Variants in SHISA9 observed in about 807,000 individuals in gnomAD.
SHISA9 encodes shisa family member 9.
In SHISA9, 13 loss-of-function variants were observed where a neutral mutation model predicts 38.0. That is an observed-to-expected ratio of 0.34 (90% CI 0.22 to 0.54). SHISA9 has a LOEUF of 0.54. Among genes scored for constraint, SHISA9 ranks in the 20% least tolerant of loss-of-function variants. SHISA9 has a pLI of 0.91. For missense variants in SHISA9, 538 were observed against 575.8 expected, an observed-to-expected ratio of 0.93 and a Z score of 0.67; for synonymous variants, 275 against 242.0, an observed-to-expected ratio of 1.14 and a Z score of -1.27.
intron 2 of SHISA9, among the ~76,000 whole-genome samples, chr16:13,087,470 C>T (rs1177725859): frequency 1.3e-5 from 2 of 152,182 alleles, no homozygotes; most frequent in East Asian, 1.9e-4. Context: ...TGTTTCTCCA[C>T]ATCCTCTCCA....
chr16:13,398,610 G>T, the SHISA9 span, among the ~76,000 whole-genome samples: 1 of 150,974 alleles, frequency 6.6e-6, no homozygotes, highest in Non-Finnish European at 1.5e-5. Flanking sequence ...CCTCCGGTTC[G>T]AGCGATTCTC....
intron 2 of SHISA9, among the ~76,000 whole-genome samples, chr16:12,934,610 C>T (rs897934829): frequency 2.6e-5 from 4 of 152,262 alleles, no homozygotes; most frequent in East Asian, 1.9e-4. Context: ...GTGGCAAATT[C>T]GTTATGTCTC....
At chr16:12,945,326 A>G (rs1415360004) in intron 2 of SHISA9, among the ~76,000 whole-genome samples, 1 of 152,062 alleles carries the variant, frequency 6.6e-6, no homozygotes, top group Non-Finnish European at 1.5e-5. Flanking sequence ...AGAATTATCC[A>G]CTCTGAATGC....
the SHISA9 span, among the ~76,000 whole-genome samples, chr16:13,467,320 C>T: frequency 2.0e-5 from 3 of 152,140 alleles, no homozygotes; most frequent in African/African-American, 7.2e-5. Flanking sequence ...CTCTTTTTCC[C>T]ACTCCCCCAG....
At chr16:13,410,381 A>G in the SHISA9 span, among the ~76,000 whole-genome samples, 1 of 152,218 alleles carries the variant, frequency 6.6e-6, no homozygotes, top group African/African-American at 2.4e-5. Context: ...TTTAGTCACC[A>G]TCACCAAGAG....
the SHISA9 span, among the ~76,000 whole-genome samples, chr16:13,282,821 G>A: frequency 1.3e-5 from 2 of 151,864 alleles, no homozygotes; most frequent in Non-Finnish European, 1.5e-5. Flanking sequence ...CTAAGTTCTA[G>A]CCTTTTCATT....
At chr16:13,225,449 G>C (rs1255984361) in intron 4 of SHISA9, among the ~76,000 whole-genome samples, 3 of 152,182 alleles carry the variant, frequency 2.0e-5, no homozygotes, top group Non-Finnish European at 4.4e-5. Flanking sequence ...AGACCTCAGG[G>C]ACCACTGCAA....
the SHISA9 span, among the ~76,000 whole-genome samples, chr16:13,425,089 A>C: frequency 6.6e-6 from 1 of 152,250 alleles, no homozygotes; most frequent in South Asian, 2.1e-4. Flanking sequence ...TCCTAAGCGA[A>C]TGAATGCAGA....
intron 2 of SHISA9, among the ~76,000 whole-genome samples, chr16:13,089,557 C>T (rs983078942): frequency 6.6e-6 from 1 of 152,180 alleles, no homozygotes; most frequent in Non-Finnish European, 1.5e-5. Context: ...GGAATTTATC[C>T]ATTTCTTCTA....
At chr16:13,350,915 G>T in the SHISA9 span, among the ~76,000 whole-genome samples, 4 of 152,108 alleles carry the variant, frequency 2.6e-5, no homozygotes, top group African/African-American at 9.7e-5. Context: ...ATACAACCTG[G>T]CTGTTCCAGG....
At chr16:13,556,100 C>A in the SHISA9 span, among the ~76,000 whole-genome samples, 2 of 152,300 alleles carry the variant, frequency 1.3e-5, no homozygotes, top group South Asian at 2.1e-4. Flanking sequence ...CCGATTCCAC[C>A]CTTTCAAATC....
At chr16:13,514,832 C>T in the SHISA9 span, among the ~76,000 whole-genome samples, 1 of 151,810 alleles carries the variant, frequency 6.6e-6, no homozygotes, top group Non-Finnish European at 1.5e-5. Flanking sequence ...CGATACACGT[C>T]GTAACTAAAT....
chr16:13,187,482 G>C (rs1401598110), intron 2 of SHISA9, among the ~76,000 whole-genome samples: 1 of 151,746 alleles, frequency 6.6e-6, no homozygotes, highest in African/African-American at 2.4e-5. Context: ...CTACAGACGT[G>C]CACCACCACA....
At chr16:13,073,205 T>C (rs2073538744) in intron 2 of SHISA9, among the ~76,000 whole-genome samples, 1 of 147,954 alleles carries the variant, frequency 6.8e-6, no homozygotes, top group African/African-American at 2.5e-5. Context: ...AACTCTCTCC[T>C]ATCTCTCTCT....
the SHISA9 span, among the ~76,000 whole-genome samples, chr16:13,257,197 A>G: frequency 6.6e-6 from 1 of 152,168 alleles, no homozygotes; most frequent in Non-Finnish European, 1.5e-5. Flanking sequence ...CCATCCCAGG[A>G]CAAGCTTTTC....
chr16:13,504,609 A>G, the SHISA9 span, among the ~76,000 whole-genome samples: 1 of 152,216 alleles, frequency 6.6e-6, no homozygotes, highest in Non-Finnish European at 1.5e-5. Flanking sequence ...TGCCTAAGGG[A>G]GAAAAATAAC....
the SHISA9 span, among the ~76,000 whole-genome samples, chr16:13,475,173 A>G: frequency 9.9e-5 from 15 of 152,148 alleles, no homozygotes; most frequent in African/African-American, 3.1e-4. Flanking sequence ...AGGGATGGAG[A>G]TGAATTTGGA....
intron 1 of SHISA9, among the ~76,000 whole-genome samples, chr16:12,905,093 C>G (rs1034503210): frequency 6.6e-6 from 1 of 152,148 alleles, no homozygotes; most frequent in African/African-American, 2.4e-5. Context: ...GAACTAATGC[C>G]TGCTGAGCAC....
intron 2 of SHISA9, among the ~76,000 whole-genome samples, chr16:13,112,715 G>C (rs1457217486): frequency 6.6e-6 from 1 of 152,006 alleles, no homozygotes; most frequent in Non-Finnish European, 1.5e-5. Flanking sequence ...ATGCTTCTCA[G>C]TGATGTTTCT....
Sources: allele counts gnomAD v4.1 joint callset (sites outside exome capture counted in the v4.1 genomes callset), GRCh38; gene constraint gnomAD v4.1.1; transcripts MANE v1.5; gene names NCBI Gene and HGNC (gene_info 2026-07-23, HGNC 2026-07-21).